Variants in HDAC9 observed in about 807,000 individuals in gnomAD.
The protein encoded by HDAC9 is MEF-2 interacting transcription repressor (MITR) protein.
HDAC9 carries 41 observed loss-of-function variants against 139.4 expected under a neutral mutation model. The observed-to-expected ratio is 0.29, with a 90% CI of 0.23 to 0.38. The LOEUF (loss-of-function observed/expected upper bound fraction) is 0.38. HDAC9 is among the 10% of genes least tolerant of loss of function. HDAC9 has a pLI of 1.00. For synonymous variants in HDAC9, 517 were observed against 476.2 expected, an observed-to-expected ratio of 1.09 and a Z score of -1.12; for missense variants, 1,147 against 1,297.0, an observed-to-expected ratio of 0.88 and a Z score of 1.78.
intron 22 of HDAC9, among the ~76,000 whole-genome samples, chr7:18,887,722 T>C (rs1412399827): frequency 6.6e-6 from 1 of 152,262 alleles, no homozygotes; most frequent in Non-Finnish European, 1.5e-5. Context: ...TAGTTATTTT[T>C]AAATGTTTAA....
intron 1 of HDAC9, among the ~76,000 whole-genome samples, chr7:18,341,981 A>C (rs558852578): frequency 6.6e-6 from 1 of 151,808 alleles, no homozygotes; most frequent in Non-Finnish European, 1.5e-5. Flanking sequence ...AAGCCTCTTC[A>C]GTTTACTGTA....
At chr7:18,167,416 A>G (rs1436430512) in intron 2 of HDAC9, among the ~76,000 whole-genome samples, 2 of 152,176 alleles carry the variant, frequency 1.3e-5, no homozygotes, top group Non-Finnish European at 2.9e-5. Context: ...ATTTGTTTTT[A>G]TATTTGCTTT....
chr7:18,477,765 A>G (rs1795228672), intron 1 of HDAC9, among the ~76,000 whole-genome samples: 1 of 152,180 alleles, frequency 6.6e-6, no homozygotes, highest in African/African-American at 2.4e-5. Context: ...GTTCATGAAA[A>G]TCAAGAGAAC....
chr7:18,510,528 A>AT (rs933816750), intron 2 of HDAC9, among the ~76,000 whole-genome samples: 17 of 152,044 alleles, frequency 1.1e-4, no homozygotes, highest in African/African-American at 2.4e-5. Flanking sequence ...AAATAGGTGG[A>AT]TTTTTCTGTT....
At chr7:18,768,487 A>G (rs1790015489) in intron 16 of HDAC9, among the ~76,000 whole-genome samples, 1 of 152,164 alleles carries the variant, frequency 6.6e-6, no homozygotes, top group Non-Finnish European at 1.5e-5. Context: ...ATCCCACATT[A>G]ATCCTTGCTT....
At chr7:18,324,751 T>C (rs1800305891) in intron 1 of HDAC9, among the ~76,000 whole-genome samples, 1 of 152,132 alleles carries the variant, frequency 6.6e-6, no homozygotes, top group Non-Finnish European at 1.5e-5. Flanking sequence ...CATAAAAAGG[T>C]GAGCAAGAAA....
At chr7:18,688,126 G>C (rs1782409377) in intron 12 of HDAC9, among the ~76,000 whole-genome samples, 1 of 151,596 alleles carries the variant, frequency 6.6e-6, no homozygotes, top group Admixed American at 6.6e-5. Context: ...GTATTATTTA[G>C]AATACTATTT....
chr7:18,802,183 A>G (rs1793356660), intron 17 of HDAC9, among the ~76,000 whole-genome samples: 1 of 151,782 alleles, frequency 6.6e-6, no homozygotes, highest in South Asian at 2.1e-4. Flanking sequence ...TTTAAGTACT[A>G]TTTGAGTTAC....
chr7:18,090,414 T>C (rs763519455), intron 1 of HDAC9, among the ~76,000 whole-genome samples: 1 of 152,334 alleles, frequency 6.6e-6, no homozygotes, highest in African/African-American at 2.4e-5. Flanking sequence ...ATGACTCTAA[T>C]AGCTACTGCT....
chr7:18,754,988 G>A (rs933809970), intron 14 of HDAC9, among the ~76,000 whole-genome samples: 1 of 152,098 alleles, frequency 6.6e-6, no homozygotes, highest in Non-Finnish European at 1.5e-5. Flanking sequence ...TTATAGAGTA[G>A]TCTAACTAGA....
At chr7:18,438,355 T>A (rs1446637499) in intron 1 of HDAC9, among the ~76,000 whole-genome samples, 2 of 152,152 alleles carry the variant, frequency 1.3e-5, no homozygotes, top group African/African-American at 4.8e-5. Context: ...TGGGGTGTGC[T>A]GGGCACTCTG....
chr7:18,893,639 C>A (rs539903481), intron 22 of HDAC9, among the ~76,000 whole-genome samples: 1 of 152,104 alleles, frequency 6.6e-6, no homozygotes, highest in Admixed American at 6.6e-5. Flanking sequence ...ACATTTGCAT[C>A]GTCACTGAAA....
chr7:18,592,943 G>A (rs149060683), intron 5 of HDAC9, among the ~76,000 whole-genome samples: 1,570 of 152,092 alleles, frequency 0.01, 24 homozygotes, highest in Non-Finnish European at 0.011. Flanking sequence ...AGAATTTGTC[G>A]GTTAAAGTTC....
intron 14 of HDAC9, among the ~76,000 whole-genome samples, chr7:18,759,371 C>T (rs749613404): frequency 1.4e-4 from 21 of 152,012 alleles, no homozygotes; most frequent in African/African-American, 3.9e-4. Flanking sequence ...AGAACAGCAG[C>T]GACATTAGAT....
At chr7:18,723,580 C>G (rs1178764338) in intron 12 of HDAC9, among the ~76,000 whole-genome samples, 1 of 152,116 alleles carries the variant, frequency 6.6e-6, no homozygotes, top group Non-Finnish European at 1.5e-5. Flanking sequence ...AGACACTGGA[C>G]AGGTAGGATG....
chr7:18,819,777 A>G lies in HDAC9; in HGVS notation c.2323-9384A>G, dbSNP rs576847756. The stretch of plus-strand genomic sequence containing the variant: ...CAAAGTTCTATTATTAGTCATGTTC[A>G]TGCCTGAAGAGAAAGTAAAACTTGA... On this transcript the variant is annotated intron_variant, in intron 17 of 25. Transcript: ENST00000686413. Among the ~76,000 whole-genome samples, 5 of 152,338 alleles carry G rather than the reference A, an allele frequency of 3.3e-5. No individual in the cohort carries two copies. The South Asian group carries it at 1.0e-3, about 32-fold the overall frequency.
chr7:18,640,907 AT>A (rs1785394116), intron 8 of HDAC9, among the ~76,000 whole-genome samples: 1 of 152,010 alleles, frequency 6.6e-6, no homozygotes, highest in South Asian at 2.1e-4. Context: ...TAATGAGATA[AT>A]TTCTCGAAGT....
chr7:18,697,102 G>T (rs150103546), intron 12 of HDAC9, among the ~76,000 whole-genome samples: 4 of 152,036 alleles, frequency 2.6e-5, no homozygotes, highest in Non-Finnish European at 4.4e-5. Context: ...CCTGAGGAAC[G>T]CATTCAAAGT....
At chr7:18,100,958 C>G (rs1308534047) in intron 1 of HDAC9, among the ~76,000 whole-genome samples, 15 of 152,162 alleles carry the variant, frequency 9.9e-5, no homozygotes, top group Admixed American at 2.6e-4. Flanking sequence ...CTCTACCCAA[C>G]ACCCCATGAA....
Sources: gnomAD v4.1 joint callset for allele counts (sites outside exome capture counted in the v4.1 genomes callset) on GRCh38, gnomAD v4.1.1 for gene constraint, MANE v1.5 for transcripts, NCBI Gene and HGNC (gene_info 2026-07-23, HGNC 2026-07-21) for gene names.